SLC1A7: variants seen among roughly 807,000 people sequenced by gnomAD.
SLC1A7 encodes the protein excitatory amino acid transporter 5.
A neutral mutation model predicts 47.7 loss-of-function variants in SLC1A7; 40 were observed. The ratio of observed to expected loss-of-function variants is 0.84; its 90% CI spans 0.65 to 1.09. The LOEUF (loss-of-function observed/expected upper bound fraction) is 1.09, where lower values mean the gene tolerates loss of function less well. Ranked by LOEUF, SLC1A7 falls within the 50% of genes least tolerant of loss-of-function variation. The pLI, the probability that SLC1A7 is intolerant of heterozygous loss-of-function variation, is 0.00. For synonymous variants in SLC1A7, 323 were observed against 325.6 expected, an observed-to-expected ratio of 0.99 and a Z score of 0.09; for missense variants, 746 against 769.5, an observed-to-expected ratio of 0.97 and a Z score of 0.36.
At chr1:53,136,693 G>T (rs1304988215) in intron 1 of SLC1A7, among the ~76,000 whole-genome samples, 2 of 124,664 alleles carry the variant, frequency 1.6e-5, no homozygotes, top group Admixed American at 9.1e-5. Flanking sequence ...TTGAGACAAG[G>T]TCTCATTCTG....
intron 3 of SLC1A7, chr1:53,108,085 T>A (rs1393891114): frequency 6.4e-6 from 1 of 157,088 alleles, no homozygotes; most frequent in African/African-American, 2.4e-5. Context: ...AAAGCATTTG[T>A]ATCTTTGTCT....
intron 2 of SLC1A7, among the ~76,000 whole-genome samples, chr1:53,124,457 G>C (rs570318950): frequency 2.2e-4 from 34 of 152,252 alleles, no homozygotes; most frequent in Non-Finnish European, 4.0e-4. Context: ...GGGAGAGAAG[G>C]GTTTGGCAAA....
In SLC1A7 at chr1:53,093,540, C is replaced by G; in HGVS notation, c.718G>C (p.Gly240Arg). 1.9e-6 allele frequency: 3 copies of G among 1,606,482 alleles called. No individual in the cohort carries two copies. The highest frequency in any genetic ancestry group is 1.7e-6 in the Non-Finnish European group (2 of 1,179,290). ...ATMGIMLGRMGDSGAPLVSFC... is the reference protein window; with the variant it reads ...ATMGIMLGRMRDSGAPLVSFC... Reference sequence around the variant, plus strand: ...CTGACCAGGGGGGCCCCGCTGTCACCCATGCGGCCCAGCATGATGCCTGCG... The same window carrying G: ...CTGACCAGGGGGGCCCCGCTGTCACGCATGCGGCCCAGCATGATGCCTGCG... The change falls in exon 6 of 11, where the codon GGT becomes CGT. Residue 240 changes from glycine to arginine, a missense_variant. Gly to Arg is a moderately radical substitution (Grantham distance 125). Coordinates refer to ENST00000371494, the MANE Select transcript of SLC1A7 (RefSeq NM_006671.6).
At chr1:53,114,427 T>G in intron 3 of SLC1A7, 2 of 332,856 alleles carry the variant, frequency 6.0e-6, no homozygotes, top group Non-Finnish European at 1.1e-5. Context: ...TCCTCATCTG[T>G]AAAAAGAGGA....
In SLC1A7 at chr1:53,090,981, T is replaced by C. The variant is rs542927782; in HGVS notation, c.1032-175A>G. The C allele has an allele frequency of 2.8e-5, 42 of 1,486,248 alleles. No individual in the cohort carries two copies. In the South Asian group the frequency reaches 5.0e-4, roughly 18 times the overall value. 92.1% of individuals were successfully genotyped at this position (1,486,248 alleles called of 1,614,324 possible). A position where few individuals can be genotyped will look rare whatever the true frequency, so the allele number is the denominator to read the frequency against. On this transcript the variant is annotated intron_variant, in intron 7 of 10. Coordinates refer to ENST00000371494, the MANE Select transcript of SLC1A7 (RefSeq NM_006671.6). Reference sequence around the variant, plus strand: ...GCACTGCAGTGCTCTCACTTGGTTCTTCCTATGAGGGAGGTGTTTGGGTGC... The same window carrying C: ...GCACTGCAGTGCTCTCACTTGGTTCCTCCTATGAGGGAGGTGTTTGGGTGC...
At chr1:53,094,023 C>T (rs187515352) in intron 5 of SLC1A7, among the ~76,000 whole-genome samples, 25 of 152,330 alleles carry the variant, frequency 1.6e-4, no homozygotes, top group Middle Eastern at 3.4e-3. Flanking sequence ...AAGCCGTTTA[C>T]ACAGTGCCCC....
rs543296330 is a variant in SLC1A7 at position 53,097,224 on chromosome 1, C to T, written c.698-3664G>A. Among the ~76,000 whole-genome samples, 458 of 151,824 alleles carry T rather than the reference C, an allele frequency of 3.0e-3. 1 individual carries two copies. Among genetic ancestry groups the T allele is most frequent in the African/African-American group, 9.1e-3 (377 of 41,310 alleles). On this transcript the variant is annotated intron_variant, in intron 5 of 10. Coordinates refer to ENST00000371494, the MANE Select transcript of SLC1A7 (RefSeq NM_006671.6). Reference sequence around the variant, plus strand: ...CACACACCCTGCCTCAGTACACTCACGCACCCTGCCTCGGTACACTCATTT... The same window carrying T: ...CACACACCCTGCCTCAGTACACTCATGCACCCTGCCTCGGTACACTCATTT...
At chr1:53,131,671 G>A (rs559632477) in intron 2 of SLC1A7, among the ~76,000 whole-genome samples, 1 of 152,376 alleles carries the variant, frequency 6.6e-6, no homozygotes, top group African/African-American at 2.4e-5. Context: ...ATGATTGCAG[G>A]ATCCATTAAT....
chr1:53,103,312 C>T (rs1644604058), intron 5 of SLC1A7, 34 bp downstream of exon 5: 1 of 1,511,832 alleles, frequency 6.6e-7, no homozygotes, highest in Non-Finnish European at 9.0e-7. Flanking sequence ...GGGCCCGGCT[C>T]CACGGCACTG....
chr1:53,127,419 G>GGA (rs987916402), intron 2 of SLC1A7, among the ~76,000 whole-genome samples: 3 of 152,210 alleles, frequency 2.0e-5, no homozygotes, highest in Non-Finnish European at 4.4e-5. Flanking sequence ...CCGGCTCCAG[G>GGA]GAGAGAGGTG....
At chr1:53,096,896 G>A (rs916998076) in intron 5 of SLC1A7, among the ~76,000 whole-genome samples, 3 of 137,658 alleles carry the variant, frequency 2.2e-5, no homozygotes, top group African/African-American at 8.3e-5. Context: ...GACCTGCCTC[G>A]GTACACTCAC....
intron 5 of SLC1A7, among the ~76,000 whole-genome samples, chr1:53,094,867 C>A (rs1644467379): frequency 6.6e-6 from 1 of 152,242 alleles, no homozygotes; most frequent in Non-Finnish European, 1.5e-5. Context: ...CGGGGGCTCC[C>A]TCACGGCAGG....
rs60113708 is a variant in SLC1A7, at chr1:53,137,287, C to CAAAAAAAAAAAAAAAA, written c.136-2859_136-2858insTTTTTTTTTTTTTTTT. The stretch of plus-strand genomic sequence containing the variant: ...GGGCAACAGAGGGAGACGCTATCTC[C>CAAAAAAAAAAAAAAAA]AAAAAAAAAAAAGTGCTCTACTGAT... On this transcript the variant is annotated intron_variant, in intron 1 of 10. Coordinates refer to ENST00000371494, the MANE Select transcript of SLC1A7 (RefSeq NM_006671.6). 4.0e-5 allele frequency among the ~76,000 whole-genome samples: 4 copies of CAAAAAAAAAAAAAAAA among 100,750 alleles called. 1 individual carries two copies. The highest frequency in any genetic ancestry group is 6.1e-5 in the Non-Finnish European group (3 of 49,576). The allele number at this position is 100,750 out of a possible 152,430, so 66.1% of individuals were successfully genotyped here.
rs1284687332 is a variant in SLC1A7 at position 53,092,601 on chromosome 1, G to A, written c.984C>T (p.Ile328=). The change falls in exon 7 of 11, where the codon ATC becomes ATT. Residue 328 remains isoleucine (I), a synonymous_variant. Coordinates refer to ENST00000371494, the MANE Select transcript of SLC1A7 (RefSeq NM_006671.6). ...FITKKNPIVF[I]RGILQALLIA... ...TGAGCAGAGCCTGCAGGATGCCACGGATGAAGACGATGGGATTCTTCTTGG... is the reference window on the plus strand; with the variant it reads ...TGAGCAGAGCCTGCAGGATGCCACGAATGAAGACGATGGGATTCTTCTTGG... The A allele has an allele frequency of 6.2e-7, 1 of 1,614,196 alleles. No homozygotes were observed. The highest frequency in any genetic ancestry group is 1.7e-5 in the Admixed American group (1 of 60,028).
chr1:53,142,422 C>T lies in SLC1A7; in HGVS notation c.28G>A (p.Gly10Arg), dbSNP rs745715389. 4 of 1,612,710 alleles carry T rather than the reference C, an allele frequency of 2.5e-6. No homozygotes were observed. Among genetic ancestry groups the T allele is most frequent in the Non-Finnish European group, 3.4e-6 (4 of 1,179,594 alleles). MVPHAILAR[G>R]RDVCRRNGLL... ...CCATTCCGCCTGCACACGTCCCTCC[C>T]CCGTGCCAAGATGGCATGCGGCACC... The change falls in exon 1 of 11, where the codon GGG becomes AGG. Residue 10 changes from glycine (G) to arginine (R), a missense_variant. Gly to Arg is a moderately radical substitution (Grantham distance 125). Transcript: ENST00000371494.
At chr1:53,136,906 G>A (rs1645006490) in intron 1 of SLC1A7, among the ~76,000 whole-genome samples, 1 of 151,568 alleles carries the variant, frequency 6.6e-6, no homozygotes, top group Admixed American at 6.6e-5. Context: ...GACTCAAACA[G>A]TCCTCCCAGC....
chr1:53,103,232 A>G lies in SLC1A7; in HGVS notation c.697+114T>C, dbSNP rs183632278. On this transcript the variant is annotated intron_variant, in intron 5 of 10. Coordinates refer to ENST00000371494, the MANE Select transcript of SLC1A7 (RefSeq NM_006671.6). ...GTGGTGAATATTTCCAGTTTTTCAC[A>G]GTAAACCTCTCCAGCATTCTCCCCA... 811 of 775,050 alleles carry G rather than the reference A, an allele frequency of 1.0e-3. 5 individuals are homozygous for G. The East Asian group carries it at 0.014, about 14-fold the overall frequency. 48.0% of individuals were successfully genotyped at this position (775,050 alleles called of 1,614,324 possible). A position where few individuals can be genotyped will look rare whatever the true frequency, so the allele number is the denominator to read the frequency against.
rs1044397434 is a variant in SLC1A7, at chr1:53,128,849, C to T, written c.215+5501G>A. The stretch of plus-strand genomic sequence containing the variant: ...GGCTGGGGGAGCATTCATGACACAT[C>T]TGAGGAGCCTGGTGATGCTTTAATA... On this transcript the variant is annotated intron_variant, in intron 2 of 10. Coordinates refer to ENST00000371494, the MANE Select transcript of SLC1A7 (RefSeq NM_006671.6). Among the ~76,000 whole-genome samples, 5 of 142,270 alleles carry T rather than the reference C, an allele frequency of 3.5e-5. 2 individuals are homozygous for T. Among genetic ancestry groups the T allele is most frequent in the Non-Finnish European group, 7.8e-5 (5 of 64,330 alleles). 93.3% of individuals were successfully genotyped at this position (142,270 alleles called of 152,430 possible). A position where few individuals can be genotyped will look rare whatever the true frequency, so the allele number is the denominator to read the frequency against.
chr1:53,092,814 A>G (rs201308981), intron 6 of SLC1A7, 27 bp from the exon 7 acceptor site: 3 of 1,494,686 alleles, frequency 2.0e-6, no homozygotes, highest in African/African-American at 1.4e-5. Flanking sequence ...AGCCAGGCTC[A>G]GGAACCAGGC....
Sources: gnomAD v4.1 joint callset for allele counts (sites outside exome capture counted in the v4.1 genomes callset) on GRCh38, gnomAD v4.1.1 for gene constraint, MANE v1.5 for transcripts, NCBI Gene and HGNC (gene_info 2026-07-23, HGNC 2026-07-21) for gene names.